The following KIFC3 variants were observed in gnomAD, a reference collection of about 807,000 sequenced individuals.
KIFC3 encodes the protein kinesin family member C3.
KIFC3 carries 60 observed loss-of-function variants against 101.8 expected under a neutral mutation model. The ratio of observed to expected loss-of-function variants is 0.59; its 90% confidence interval spans 0.48 to 0.73. The LOEUF is 0.73. KIFC3 is among the 30% of genes least tolerant of loss of function. KIFC3 has a pLI of 0.00. For missense variants in KIFC3, 966 were observed against 1,137.1 expected (o/e 0.85, Z 2.16); for synonymous variants, 476 against 482.7 (o/e 0.99, Z 0.18).
intron 1 of KIFC3, chr16:57,813,639 T>C (rs1433043381): frequency 2.0e-6 from 2 of 977,818 alleles, no homozygotes; most frequent in Non-Finnish European, 2.4e-6. Context: ...ATGACAATAA[T>C]TAGGATTTCC....
chr16:57,822,462 G>T (rs1361159055), intron 1 of KIFC3, among the ~76,000 whole-genome samples: 1 of 152,214 alleles, frequency 6.6e-6, no homozygotes, highest in East Asian at 1.9e-4. Flanking sequence ...AACACTTTGG[G>T]AGGCTGAGGC....
intron 1 of KIFC3, among the ~76,000 whole-genome samples, chr16:57,817,175 A>G (rs1555629026): frequency 6.6e-6 from 1 of 152,148 alleles, no homozygotes; most frequent in African/African-American, 2.4e-5. Context: ...CCTGGCCAAC[A>G]TGGCGAAACC....
At chr16:57,774,979 C>T in intron 3 of KIFC3, 1 of 1,533,978 alleles carries the variant, frequency 6.5e-7, no homozygotes, top group Non-Finnish European at 8.7e-7. Flanking sequence ...GGCGCACTAA[C>T]CTTGATCATC....
chr16:57,807,953 A>AAC, upstream of KIFC3: 1 of 106,882 alleles, frequency 9.4e-6, no homozygotes, highest in South Asian at 3.0e-4. Flanking sequence ...AAAAAAAAAA[A>AAC]AAAAAACCTT....
intron 3 of KIFC3, among the ~76,000 whole-genome samples, chr16:57,782,742 G>A (rs554790377): frequency 2.6e-5 from 4 of 152,302 alleles, no homozygotes; most frequent in Admixed American, 2.0e-4. Context: ...TCAGGAGGTC[G>A]AGACCAGCCT....
chr16:57,853,141 G>A (rs1349019764), intron 1 of KIFC3, among the ~76,000 whole-genome samples: 12 of 152,012 alleles, frequency 7.9e-5, no homozygotes, highest in South Asian at 2.1e-4. Flanking sequence ...TAATCTGCCC[G>A]GGCGCGGTGG....
intron 9 of KIFC3, among the ~76,000 whole-genome samples, chr16:57,767,340 C>T (rs1200860020): frequency 6.6e-6 from 1 of 152,152 alleles, no homozygotes; most frequent in Non-Finnish European, 1.5e-5. Context: ...AGACCACTGG[C>T]TCAATGTCTT....
rs151088903 is a variant in KIFC3, at chr16:57,766,928, G to A, written c.1276C>T (p.Arg426Cys). ...TTCTTACGCAGCTGCAGCTCGCGGCGGTACTTGCGCAGCAGCTCCTGGTTG... is the reference window on the plus strand; with the variant it reads ...TTCTTACGCAGCTGCAGCTCGCGGCAGTACTTGCGCAGCAGCTCCTGGTTG... ...SNNQELLRKY[R>C]RELQLRKKCH... Residue 426 changes from arginine to cysteine, a missense_variant, in exon 10 of 20, where the codon CGC becomes TGC. This residue lies in a region of KIFC3 where 689 missense variants were observed against 884.6 expected (regional missense o/e 0.78). Coordinates refer to ENST00000445690, the MANE Select transcript of KIFC3 (RefSeq NM_001130100.2). 8.1e-6 allele frequency: 13 copies of A among 1,612,716 alleles called. No homozygotes were observed. The highest frequency in any genetic ancestry group is 6.7e-5 in the East Asian group (3 of 44,876).
At chr16:57,794,892 C>T (rs2054165605) in intron 3 of KIFC3, 107 bp downstream of exon 3, 3 of 1,062,142 alleles carry the variant, frequency 2.8e-6, no homozygotes, top group Non-Finnish European at 3.8e-6. Flanking sequence ...CGAGGTGGGT[C>T]CCCGGCTCTC....
chr16:57,830,228 T>TCTTTTTTC (rs2055547506), intron 1 of KIFC3, among the ~76,000 whole-genome samples: 1 of 148,080 alleles, frequency 6.8e-6, no homozygotes, highest in African/African-American at 2.5e-5. Flanking sequence ...TTCCTTTCTT[T>TCTTTTTTC]TTTCTTTCTT....
intron 3 of KIFC3, among the ~76,000 whole-genome samples, chr16:57,792,964 G>A (rs1172341302): frequency 4.7e-5 from 7 of 149,790 alleles, no homozygotes; most frequent in African/African-American, 1.7e-4. Flanking sequence ...GCTAGTGACA[G>A]AATAACATGT....
intron 1 of KIFC3, among the ~76,000 whole-genome samples, chr16:57,808,984 C>T (rs1716658265): frequency 6.6e-6 from 1 of 152,150 alleles, no homozygotes; most frequent in Admixed American, 6.5e-5. Context: ...TTTTACTCTG[C>T]CTTTTCTTAC....
chr16:57,762,546 G>A (rs1555599035), intron 12 of KIFC3, among the ~76,000 whole-genome samples: 1 of 152,158 alleles, frequency 6.6e-6, no homozygotes, highest in African/African-American at 2.4e-5. Context: ...CCCACACAGG[G>A]CAGCTGAGGG....
Position 57,788,626 on chromosome 16 carries a change from G to A in KIFC3, c.315+6373C>T, listed in dbSNP as rs190369913. The A allele has an allele frequency of 3.7e-3, 4,720 of 1,289,442 alleles. 18 individuals carry two copies. Among genetic ancestry groups the A allele is most frequent in the Admixed American group, 4.5e-3 (196 of 43,556 alleles). 79.9% of individuals were successfully genotyped at this position (1,289,442 alleles called of 1,614,324 possible). A position where few individuals can be genotyped will look rare whatever the true frequency, so the allele number is the denominator to read the frequency against. On this transcript the variant is annotated intron_variant, in intron 3 of 19. Transcript: ENST00000445690. ...CCAGCTTCCCGGGCCTCCCGGGCCCGCCTGGGGGCCGGCGCCTGTCTCTTC... is the reference window on the plus strand; with the variant it reads ...CCAGCTTCCCGGGCCTCCCGGGCCCACCTGGGGGCCGGCGCCTGTCTCTTC...
At chr16:57,833,719 AC>A (rs1472763985) in intron 1 of KIFC3, among the ~76,000 whole-genome samples, 34 of 152,148 alleles carry the variant, frequency 2.2e-4, no homozygotes, top group African/African-American at 8.0e-4. Context: ...AGGGGGAGGG[AC>A]CCTAAAATTA....
Position 57,769,666 on chromosome 16 carries a change from T to G in KIFC3, c.1147A>C (p.Asn383His). 1 of 1,612,092 alleles carries G rather than the reference T, an allele frequency of 6.2e-7. No homozygotes were observed. The highest frequency in any genetic ancestry group is 8.5e-7 in the Non-Finnish European group (1 of 1,179,984). The change falls in exon 9 of 20, where the codon AAT (asparagine) becomes CAT (histidine). Residue 383 changes from asparagine to histidine, a missense_variant. Asn to His is a moderately conservative substitution (Grantham distance 68, BLOSUM62 1). Around this residue, in one of 2 missense-constraint regions of KIFC3, gnomAD observed 689 missense variants for 884.6 expected, o/e 0.78. Transcript: ENST00000445690. The surrounding 1 kb of genome is among the most constrained non-coding windows in gnomAD (Gnocchi z 4.3). ...PALRTLTNDY[N>H]GLKRQVRGFP... ...CCGCGCACCTGCCGCTTGAGCCCAT[T>G]GTAGTCGTTGGTGAGGGTCCGCAGT...
intron 3 of KIFC3, among the ~76,000 whole-genome samples, chr16:57,787,619 C>G (rs1555618347): frequency 6.6e-6 from 1 of 152,198 alleles, no homozygotes; most frequent in Non-Finnish European, 1.5e-5. Context: ...GCGATGCAGG[C>G]GTGGCCTGGA....
In KIFC3 at chr16:57,831,546, C is replaced by T. The variant is rs1328572392; in HGVS notation, c.108+31183G>A. Among the ~76,000 whole-genome samples the T allele has an allele frequency of 7.9e-5, 12 of 152,092 alleles. No homozygotes were observed. In the East Asian group the frequency reaches 2.1e-3, roughly 27 times the overall value. On this transcript the variant is annotated intron_variant, in intron 1 of 2. Transcript: ENST00000563028. Reference sequence around the variant, plus strand: ...ACAAAAATACTGTTTTTTAATTAGCCAGGCATGGTGGTGTGTGCCTGTAGT... The same window carrying T: ...ACAAAAATACTGTTTTTTAATTAGCTAGGCATGGTGGTGTGTGCCTGTAGT...
In KIFC3 at chr16:57,849,164, C is replaced by G. The variant is rs75105204; in HGVS notation, c.108+13565G>C. On this transcript the variant is annotated intron_variant, in intron 1 of 2. Coordinates refer to the KIFC3 transcript ENST00000563028. ...GTGGCTCTACTCGTCTAAATTTAAG[C>G]CTTTTTGGGGACAGAAACCCAGTTA... Among the ~76,000 whole-genome samples the G allele has an allele frequency of 3.9e-3, 591 of 152,278 alleles. 2 individuals carry two copies. Among genetic ancestry groups the G allele is most frequent in the Middle Eastern group, 0.02 (6 of 294 alleles).
Sources: gnomAD v4.1 joint callset for allele counts (sites outside exome capture counted in the v4.1 genomes callset) on GRCh38, gnomAD v4.1.1 for gene constraint, gnomAD v4.1.1 regional missense constraint, Gnocchi (gnomAD v3.1) non-coding constraint, MANE v1.5 for transcripts, NCBI Gene and HGNC (gene_info 2026-07-23, HGNC 2026-07-21) for gene names.